The following NAV2 variants were observed in gnomAD, a reference collection of about 807,000 sequenced individuals.
NAV2 encodes neuron navigator 2.
NAV2 carries 54 observed loss-of-function variants against 223.2 expected under a neutral mutation model. The ratio of observed to expected loss-of-function variants is 0.24; its 90% CI spans 0.19 to 0.30. The LOEUF is 0.30. NAV2 is among the 10% of genes least tolerant of loss of function. The probability of loss-of-function intolerance (pLI) is 1.00; values close to 1 mark genes in which losing one functional copy is unlikely to be tolerated. For synonymous variants in NAV2, 1,279 were observed against 1,239.3 expected, an observed-to-expected ratio of 1.03 and a Z score of -0.67; for missense variants, 2,806 against 3,147.5, an observed-to-expected ratio of 0.89 and a Z score of 2.60.
intron 1 of NAV2, among the ~76,000 whole-genome samples, chr11:19,521,926 A>T (rs754115346): frequency 6.6e-6 from 1 of 152,206 alleles, no homozygotes; most frequent in Non-Finnish European, 1.5e-5. Context: ...CTCTGCTCTG[A>T]GAGGCAGAAT....
At chr11:19,752,859 T>A (rs1287232201) in intron 1 of NAV2, among the ~76,000 whole-genome samples, 1 of 152,186 alleles carries the variant, frequency 6.6e-6, no homozygotes, top group Non-Finnish European at 1.5e-5. Context: ...CTGAATTGTG[T>A]TCCCCCAAAT....
chr11:19,388,234 C>T (rs1162694746), intron 1 of NAV2, among the ~76,000 whole-genome samples: 2 of 152,194 alleles, frequency 1.3e-5, no homozygotes, highest in Non-Finnish European at 2.9e-5. Context: ...TTATACAGTG[C>T]ACATTGGAGT....
intron 1 of NAV2, among the ~76,000 whole-genome samples, chr11:19,554,969 T>A (rs1290885259): frequency 6.7e-6 from 1 of 148,790 alleles, no homozygotes; most frequent in Non-Finnish European, 1.5e-5. Flanking sequence ...GATAAATAAA[T>A]TTTTTAAAAA....
chr11:19,721,293 A>G (rs995984149), intron 1 of NAV2, among the ~76,000 whole-genome samples: 2 of 152,208 alleles, frequency 1.3e-5, no homozygotes, highest in African/African-American at 4.8e-5. Flanking sequence ...TACTCTTTCA[A>G]TGTTAAGTAA....
intron 10 of NAV2, among the ~76,000 whole-genome samples, chr11:19,971,128 C>T (rs1486490767): frequency 6.6e-6 from 1 of 152,104 alleles, no homozygotes; most frequent in East Asian, 1.9e-4. Context: ...TCATTGAGAG[C>T]ACATCATCTG....
At chr11:20,083,856 C>T (rs1037951031) in intron 26 of NAV2, among the ~76,000 whole-genome samples, 3 of 152,344 alleles carry the variant, frequency 2.0e-5, no homozygotes, top group South Asian at 2.1e-4. Flanking sequence ...CCATGCTGTT[C>T]CATCTTTCTT....
intron 1 of NAV2, among the ~76,000 whole-genome samples, chr11:19,430,360 G>A (rs1850996692): frequency 6.6e-6 from 1 of 152,178 alleles, no homozygotes; most frequent in African/African-American, 2.4e-5. Context: ...TGACCCGTTT[G>A]GTGTCTTCTC....
chr11:19,990,541 C>T (rs1269427015), intron 11 of NAV2, among the ~76,000 whole-genome samples: 1 of 152,070 alleles, frequency 6.6e-6, no homozygotes, highest in African/African-American at 2.4e-5. Flanking sequence ...CCATTACCTC[C>T]CCTCTCTACT....
At chr11:19,804,328 C>T (rs996024561) in intron 1 of NAV2, among the ~76,000 whole-genome samples, 3 of 152,136 alleles carry the variant, frequency 2.0e-5, no homozygotes, top group Non-Finnish European at 4.4e-5. Context: ...TCTCACATAC[C>T]TCAGTGCAGT....
rs572549834 is a variant in NAV2, at chr11:19,790,900, G to GT, written c.268-41570dup. Reference sequence around the variant, plus strand: ...TTTTCACTTAAAAGGAATATTGCTTGTTTTTTTTTTTTTTATTTGTTAGCA... The same window carrying GT: ...TTTTCACTTAAAAGGAATATTGCTTGTTTTTTTTTTTTTTTATTTGTTAGCA... On this transcript the variant is annotated intron_variant, in intron 1 of 37. Coordinates refer to ENST00000349880, the MANE Select transcript of NAV2 (RefSeq NM_145117.5). Among the ~76,000 whole-genome samples the GT allele has an allele frequency of 9.0e-3, 1,276 of 141,320 alleles. 8 individuals are homozygous for GT. Among genetic ancestry groups the GT allele is most frequent in the East Asian group, 0.024 (117 of 4,844 alleles). The allele number at this position is 141,320 out of a possible 152,430, so 92.7% of individuals were successfully genotyped here.
At chr11:20,014,310 T>G (rs1671707793) in intron 11 of NAV2, among the ~76,000 whole-genome samples, 2 of 152,188 alleles carry the variant, frequency 1.3e-5, no homozygotes, top group Admixed American at 1.3e-4. Flanking sequence ...ACTGAAACAT[T>G]TTCTTCATTC....
chr11:19,976,065 C>T (rs1365083488), intron 10 of NAV2, among the ~76,000 whole-genome samples: 1 of 152,146 alleles, frequency 6.6e-6, no homozygotes, highest in Non-Finnish European at 1.5e-5. Context: ...ACATAGGAAT[C>T]AGAAAGATCT....
At chr11:19,558,938 C>T (rs751668635) in intron 1 of NAV2, among the ~76,000 whole-genome samples, 1 of 152,146 alleles carries the variant, frequency 6.6e-6, no homozygotes, top group Non-Finnish European at 1.5e-5. Flanking sequence ...GCGCAGGACT[C>T]CAAGAGAACT....
At chr11:19,729,721 G>T (rs929001177) in intron 1 of NAV2, among the ~76,000 whole-genome samples, 3 of 152,150 alleles carry the variant, frequency 2.0e-5, no homozygotes, top group Non-Finnish European at 4.4e-5. Flanking sequence ...CTTATTAGGG[G>T]CTGTGTTGGC....
intron 1 of NAV2, among the ~76,000 whole-genome samples, chr11:19,696,829 G>T (rs1446184335): frequency 2.0e-5 from 3 of 152,158 alleles, no homozygotes; most frequent in East Asian, 1.9e-4. Context: ...TGATTCAGTG[G>T]TTCCTAACCC....
chr11:19,914,729 A>G (rs2043645167), intron 6 of NAV2, among the ~76,000 whole-genome samples: 1 of 151,792 alleles, frequency 6.6e-6, no homozygotes, highest in African/African-American at 2.4e-5. Flanking sequence ...TATTTTTAGT[A>G]GAGACGGGGT....
intron 1 of NAV2, among the ~76,000 whole-genome samples, chr11:19,668,484 A>G (rs10833150): frequency 0.75 from 110,384 of 146,634 alleles, 45,760 homozygotes; most frequent in East Asian, 0.94. Context: ...AGTGAGCCGA[A>G]TTCATGCCAT....
intron 10 of NAV2, among the ~76,000 whole-genome samples, chr11:19,955,126 G>A (rs765261260): frequency 2.6e-5 from 4 of 152,070 alleles, no homozygotes; most frequent in Non-Finnish European, 5.9e-5. Context: ...ATATTTGTTG[G>A]CTGGGCATGG....
chr11:19,561,709 G>C (rs1440238115), intron 1 of NAV2, among the ~76,000 whole-genome samples: 1 of 152,142 alleles, frequency 6.6e-6, no homozygotes, highest in Non-Finnish European at 1.5e-5. Context: ...TAAGATTTCT[G>C]CTTCTTATAC....
Sources: allele counts gnomAD v4.1 joint callset (sites outside exome capture counted in the v4.1 genomes callset), GRCh38; gene constraint gnomAD v4.1.1; transcripts MANE v1.5; gene names NCBI Gene and HGNC (gene_info 2026-07-23, HGNC 2026-07-21).